ABLIM2: variants seen among roughly 807,000 people sequenced by gnomAD.
ABLIM2 encodes actin binding LIM protein family member 2.
A neutral mutation model predicts 97.7 loss-of-function variants in ABLIM2; 53 were observed. The observed-to-expected ratio is 0.54, with a 90% CI of 0.44 to 0.68. ABLIM2 has a LOEUF of 0.68. Among genes scored for constraint, ABLIM2 ranks in the 30% least tolerant of loss-of-function variants. ABLIM2 has a pLI of 0.00. For synonymous variants in ABLIM2, 361 were observed against 345.8 expected (o/e 1.04, Z -0.49); for missense variants, 835 against 867.2 (o/e 0.96, Z 0.47).
intron 1 of ABLIM2, among the ~76,000 whole-genome samples, chr4:8,110,445 CTG>C (rs1839743982): frequency 6.6e-6 from 1 of 152,116 alleles, no homozygotes; most frequent in Admixed American, 6.5e-5. Context: ...GGTCTTCTGT[CTG>C]TGTGTCTGTC....
At chr4:7,988,301 G>A (rs1206112420) in intron 17 of ABLIM2, among the ~76,000 whole-genome samples, 1 of 152,214 alleles carries the variant, frequency 6.6e-6, no homozygotes, top group Non-Finnish European at 1.5e-5. Flanking sequence ...GGGATTACAG[G>A]CGTGAACCAC....
rs568989580 is a variant in ABLIM2, at chr4:8,015,860, TTTTA to T, written c.1423+3754_1423+3757del. ...CCATCATTTTTCCCTCATGAAATCC[TTTTA>T]TTTATTTATTTTTATTTTTGAGTTT... On this transcript the variant is annotated intron_variant, in intron 14 of 20. Transcript: ENST00000447017. This position sits in a 1 kb window ranked among gnomAD's most constrained non-coding sequence, Gnocchi z 4.6. Among the ~76,000 whole-genome samples the T allele has an allele frequency of 6.6e-6, 1 of 152,156 alleles. No homozygotes were observed. The highest frequency in any genetic ancestry group is 1.5e-5 in the Non-Finnish European group (1 of 68,028).
Position 8,039,054 on chromosome 4 carries a change from T to G in ABLIM2, c.901-2759A>C, listed in dbSNP as rs1444556953. On this transcript the variant is annotated intron_variant, in intron 9 of 20. Transcript: ENST00000447017. Reference sequence around the variant, plus strand: ...TCCCCACACCCCCGCAACAAGTTAGTGTTGATCTTCATCTGTTGAGTTGTC... The same window carrying G: ...TCCCCACACCCCCGCAACAAGTTAGGGTTGATCTTCATCTGTTGAGTTGTC... Among the ~76,000 whole-genome samples, 3 of 152,108 alleles carry G rather than the reference T, an allele frequency of 2.0e-5. No individual in the cohort carries two copies. In the East Asian group the frequency reaches 5.8e-4, roughly 29 times the overall value.
At chr4:8,035,817 A>C (rs1397832348) in intron 10 of ABLIM2, among the ~76,000 whole-genome samples, 1 of 152,234 alleles carries the variant, frequency 6.6e-6, no homozygotes. Flanking sequence ...TTATGAAAAT[A>C]ATCTAATACT....
At chr4:8,096,097 C>T (rs1266208497) in intron 3 of ABLIM2, among the ~76,000 whole-genome samples, 1 of 152,170 alleles carries the variant, frequency 6.6e-6, no homozygotes, top group East Asian at 1.9e-4. Flanking sequence ...GGTCTCTCCC[C>T]CAACCCCACG....
At chr4:7,980,654 G>A (rs1429263262) in intron 20 of ABLIM2, among the ~76,000 whole-genome samples, 1 of 151,536 alleles carries the variant, frequency 6.6e-6, no homozygotes, top group African/African-American at 2.4e-5. Context: ...AGTGGGGGTT[G>A]CAGTGAGCCA....
intron 12 of ABLIM2, among the ~76,000 whole-genome samples, chr4:8,026,709 G>A (rs1221131507): frequency 6.6e-6 from 1 of 152,266 alleles, no homozygotes; most frequent in African/African-American, 2.4e-5. Context: ...ACCACAGCCT[G>A]TGTGGCTTAA....
At chr4:8,052,745 A>G (rs10222845) in intron 8 of ABLIM2, among the ~76,000 whole-genome samples, 89,881 of 152,148 alleles carry the variant, frequency 0.59, 26,872 homozygotes, top group African/African-American at 0.68. Context: ...ACGGGCCTGC[A>G]TCGGAATGCT....
chr4:8,061,255 G>T lies in ABLIM2; in HGVS notation c.676-201C>A, dbSNP rs907941320. ...CCCCGGGCTGTCCAAGGCGCCCTGTGGGGAGGCAGGGGGAGACCTGGCTGC... is the reference window on the plus strand; with the variant it reads ...CCCCGGGCTGTCCAAGGCGCCCTGTTGGGAGGCAGGGGGAGACCTGGCTGC... On this transcript the variant is annotated intron_variant, in intron 6 of 20. Transcript: ENST00000447017. The surrounding 1 kb of genome is among the most constrained non-coding windows in gnomAD (Gnocchi z 4.5). 5.9e-5 allele frequency among the ~76,000 whole-genome samples: 9 copies of T among 152,264 alleles called. No homozygotes were observed. Among genetic ancestry groups the T allele is most frequent in the African/African-American group, 2.2e-4 (9 of 41,564 alleles).
intron 8 of ABLIM2, among the ~76,000 whole-genome samples, chr4:8,051,639 C>T (rs73074036): frequency 0.054 from 8,148 of 151,670 alleles, 552 homozygotes; most frequent in African/African-American, 0.16. Flanking sequence ...GGGCAGTTTT[C>T]GTTTTCAAAG....
Position 8,085,328 on chromosome 4 carries a change from C to T in ABLIM2, c.454+2841G>A, listed in dbSNP as rs966277303. Among the ~76,000 whole-genome samples, 1 of 152,200 alleles carries T rather than the reference C, an allele frequency of 6.6e-6. No individual in the cohort carries two copies. Among genetic ancestry groups the T allele is most frequent in the South Asian group, 2.1e-4 (1 of 4,826 alleles). On this transcript the variant is annotated intron_variant, in intron 4 of 20. Transcript: ENST00000447017. This position sits in a 1 kb window ranked among gnomAD's most constrained non-coding sequence, Gnocchi z 6.1. Reference sequence around the variant, plus strand: ...ATTCTGGACTGACTTGACTCTACCCCACTCCACAACCATCTATTGCTCCTC... The same window carrying T: ...ATTCTGGACTGACTTGACTCTACCCTACTCCACAACCATCTATTGCTCCTC...
chr4:8,158,092 T>TGCGACGCGCAGGGGC (rs1274696811), intron 1 of ABLIM2, among the ~76,000 whole-genome samples: 25 of 151,106 alleles, frequency 1.7e-4, no homozygotes, highest in African/African-American at 5.8e-4. Context: ...AAGGCAGGGG[T>TGCGACGCGCAGGGGC]GCGACGCGCA....
At chr4:8,064,469 T>C (rs1252175538) in intron 6 of ABLIM2, among the ~76,000 whole-genome samples, 1 of 152,234 alleles carries the variant, frequency 6.6e-6, no homozygotes, top group Non-Finnish European at 1.5e-5. Context: ...CATGGGACTC[T>C]GCAGAAAGTT....
rs893869735 is a variant in ABLIM2 at position 8,124,300 on chromosome 4, T to G, written c.11-17663A>C. ...TCACATAGCCGTACAATTTGCCTGT[T>G]TGGAATGCACACTCAATGGCTTTTG... On this transcript the variant is annotated intron_variant, in intron 1 of 20. Transcript: ENST00000447017. The surrounding 1 kb of genome is among the most constrained non-coding windows in gnomAD (Gnocchi z 6.1). 1.3e-5 allele frequency among the ~76,000 whole-genome samples: 2 copies of G among 152,238 alleles called. No individual in the cohort carries two copies. Among genetic ancestry groups the G allele is most frequent in the East Asian group, 1.9e-4 (1 of 5,198 alleles).
chr4:7,967,086 C>G lies in ABLIM2; in HGVS notation c.1842G>C (p.Glu614Asp). Reference protein sequence around the residue: ...RTRLERHLSPEEFQEVFGMSI... With the variant: ...RTRLERHLSPDEFQEVFGMSI... ...TCATCCCAAACACTTCCTGGAACTC[C>G]TCGGGCGACAAGTGTCTCTTCAAAC... Residue 614 changes from glutamate to aspartate, a missense_variant, in exon 21 of 21, where the codon GAG (glutamate) becomes GAC (aspartate). Coordinates refer to ENST00000447017, the MANE Select transcript of ABLIM2 (RefSeq NM_001130083.2). 6.2e-7 allele frequency: 1 copy of G among 1,613,744 alleles called. No individual in the cohort carries two copies. The highest frequency in any genetic ancestry group is 8.5e-7 in the Non-Finnish European group (1 of 1,179,882).
Position 8,132,564 on chromosome 4 carries a change from C to A in ABLIM2, c.11-25927G>T, listed in dbSNP as rs966540164. 1.3e-5 allele frequency among the ~76,000 whole-genome samples: 2 copies of A among 152,144 alleles called. No homozygotes were observed. The highest frequency in any genetic ancestry group is 2.4e-5 in the African/African-American group (1 of 41,422). ...CCGTGGGGATGCTCCAGGCACCTCA[C>A]GGTCAGAAAACAGAATGCGGAAGGC... On this transcript the variant is annotated intron_variant, in intron 1 of 20. Transcript: ENST00000447017. This position sits in a 1 kb window ranked among gnomAD's most constrained non-coding sequence, Gnocchi z 8.0.
At chr4:8,012,378 C>T (rs1421475861) in intron 14 of ABLIM2, among the ~76,000 whole-genome samples, 1 of 150,748 alleles carries the variant, frequency 6.6e-6, no homozygotes, top group Non-Finnish European at 1.5e-5. Context: ...TGTCCATCTA[C>T]CCATCCACCC....
intron 9 of ABLIM2, among the ~76,000 whole-genome samples, chr4:8,040,090 T>C (rs1350299458): frequency 6.6e-6 from 1 of 152,142 alleles, no homozygotes; most frequent in African/African-American, 2.4e-5. Context: ...TTCTGGTGCA[T>C]TCCTGTGCAC....
rs1328834700 is a variant in ABLIM2, at chr4:8,072,546, C to T, written c.675+5082G>A. Among the ~76,000 whole-genome samples, 2 of 152,240 alleles carry T rather than the reference C, an allele frequency of 1.3e-5. No individual in the cohort carries two copies. Among genetic ancestry groups the T allele is most frequent in the Non-Finnish European group, 2.9e-5 (2 of 68,036 alleles). On this transcript the variant is annotated intron_variant, in intron 6 of 20. Coordinates refer to ENST00000447017, the MANE Select transcript of ABLIM2 (RefSeq NM_001130083.2). This position sits in a 1 kb window ranked among gnomAD's most constrained non-coding sequence, Gnocchi z 5.8. ...CCAAGATACACCCCACTTTAGGCCA[C>T]CAGATGTTCCAACGTGGCTATGCTA... is the stretch of plus-strand genomic sequence containing the variant.
Sources: allele counts gnomAD v4.1 joint callset (sites outside exome capture counted in the v4.1 genomes callset), GRCh38; gene constraint gnomAD v4.1.1; non-coding constraint Gnocchi (gnomAD v3.1); transcripts MANE v1.5; gene names NCBI Gene and HGNC (gene_info 2026-07-23, HGNC 2026-07-21).